Variants in CDK5RAP1 observed in about 807,000 individuals in gnomAD.
CDK5RAP1 encodes the protein CDK5RAP1 mitochondrial tRNA methylthiotransferase.
In CDK5RAP1, 62 loss-of-function variants were observed where a neutral mutation model predicts 64.5. That is an observed-to-expected ratio of 0.96 (90% CI 0.78 to 1.19). The LOEUF is 1.19. Ranked by LOEUF, CDK5RAP1 falls within the 50% of genes most tolerant of loss-of-function variation. CDK5RAP1 has a pLI of 0.00. For missense variants in CDK5RAP1, 657 were observed against 735.0 expected, an observed-to-expected ratio of 0.89 and a Z score of 1.23; for synonymous variants, 250 against 261.9, an observed-to-expected ratio of 0.95 and a Z score of 0.44.
chr20:33,397,434 G>A (rs957005216), intron 1 of CDK5RAP1, among the ~76,000 whole-genome samples: 2 of 152,188 alleles, frequency 1.3e-5, no homozygotes, highest in African/African-American at 2.4e-5. Flanking sequence ...GCAATCCTAG[G>A]AAGCAGATAC....
intron 7 of CDK5RAP1, among the ~76,000 whole-genome samples, chr20:33,381,218 A>ATT (rs11481884): frequency 1.3e-4 from 19 of 151,508 alleles, no homozygotes; most frequent in African/African-American, 4.4e-4. Flanking sequence ...ATATGACTAC[A>ATT]TTTTTTTTAA....
In CDK5RAP1 at chr20:33,385,642, C is replaced by T. The variant is rs574790407; in HGVS notation, c.876+8G>A. ...GTTCACAGCAAGAAAGCCTGGAGAA[C>T]TCTTCACCTGCTCAGAAAGCTTCTT... is the stretch of plus-strand genomic sequence containing the variant. On this transcript the variant is annotated splice_region_variant and intron_variant, in intron 7 of 13. Coordinates refer to ENST00000346416, the MANE Select transcript of CDK5RAP1 (RefSeq NM_016408.4). 6.2e-6 allele frequency: 10 copies of T among 1,613,978 alleles called. No homozygotes were observed. Among genetic ancestry groups the T allele is most frequent in the Non-Finnish European group, 8.5e-6 (10 of 1,179,918 alleles).
At chr20:33,369,947 A>G (rs1600720995) in intron 11 of CDK5RAP1, among the ~76,000 whole-genome samples, 1 of 152,146 alleles carries the variant, frequency 6.6e-6, no homozygotes, top group Non-Finnish European at 1.5e-5. Flanking sequence ...CCATGCCTAC[A>G]ATCAAGAAAA....
intron 12 of CDK5RAP1, among the ~76,000 whole-genome samples, chr20:33,363,826 G>C (rs898882975): frequency 7.2e-5 from 11 of 152,096 alleles, no homozygotes; most frequent in African/African-American, 2.4e-4. Flanking sequence ...TGAGCCCAAG[G>C]AGTTCAAGGT....
Position 33,374,104 on chromosome 20 carries a change from G to T in CDK5RAP1, c.1205+11C>A. 1.3e-6 allele frequency: 2 copies of T among 1,599,690 alleles called. No individual in the cohort carries two copies. The highest frequency in any genetic ancestry group is 1.7e-6 in the Non-Finnish European group (2 of 1,167,326). On this transcript the variant is annotated intron_variant, in intron 9 of 13. Transcript: ENST00000346416. Reference sequence around the variant, plus strand: ...AAAGTGAGGGATGCCCCCTCTCCAAGCAAGCCTGACCCCCTCCGCATGGCC... The same window carrying T: ...AAAGTGAGGGATGCCCCCTCTCCAATCAAGCCTGACCCCCTCCGCATGGCC...
In CDK5RAP1 at chr20:33,395,076, G is replaced by A. The variant is rs1415741808; in HGVS notation, c.345C>T (p.Asp115=). 6.2e-7 allele frequency: 1 copy of A among 1,613,702 alleles called. No individual in the cohort carries two copies. Among genetic ancestry groups the A allele is most frequent in the Non-Finnish European group, 8.5e-7 (1 of 1,179,640 alleles). Residue 115 remains aspartate (D), a synonymous_variant, in exon 3 of 14, where the codon GAC becomes GAT. Transcript: ENST00000346416. The stretch of plus-strand genomic sequence containing the variant: ...GTAAGATGGACCAGGCTATCTCTGT[G>A]TCATTCACATTCATCTGGCAGCCAT... ...ETYGCQMNVN[D]TEIAWSILQK... is the part of the protein sequence containing the mutation.
chr20:33,360,638 TG>T, intron 12 of CDK5RAP1, 147 bp from the exon 13 acceptor site: 1 of 685,572 alleles, frequency 1.5e-6, no homozygotes, highest in Middle Eastern at 4.2e-4. Flanking sequence ...ACTCAGTGTT[TG>T]CTGCTGCTTC....
chr20:33,392,045 A>G (rs1487361221), intron 5 of CDK5RAP1, 97 bp downstream of exon 5: 15 of 750,720 alleles, frequency 2.0e-5, no homozygotes, highest in Non-Finnish European at 3.2e-5. Context: ...AGATTTCTTC[A>G]GACACTGGGA....
At chr20:33,397,686 C>T (rs1398932144) in intron 1 of CDK5RAP1, among the ~76,000 whole-genome samples, 4 of 152,228 alleles carry the variant, frequency 2.6e-5, no homozygotes, top group African/African-American at 9.6e-5. Flanking sequence ...CGATCAGTGA[C>T]TCCTTCTACC....
At position 33,365,619 on chromosome 20, in the gene CDK5RAP1, A is replaced by C. The variant is rs1000628725; in HGVS notation, c.1542+1240T>G. On this transcript the variant is annotated intron_variant, in intron 12 of 13. Coordinates refer to ENST00000346416, the MANE Select transcript of CDK5RAP1 (RefSeq NM_016408.4). ...ATGTAAAAAAAAAAAAAAAAAAAAA[A>C]AAAAAGGGCAGGGTGATTACAGACT... 1.1e-4 allele frequency among the ~76,000 whole-genome samples: 17 copies of C among 151,664 alleles called. No individual in the cohort carries two copies. In the South Asian group the frequency reaches 2.9e-3, roughly 26 times the overall value.
rs369970946 is a variant in CDK5RAP1, at chr20:33,374,230, A to G, written c.1108-18T>C. On this transcript the variant is annotated intron_variant, in intron 8 of 13. Transcript: ENST00000346416. ...TGCAGAACCTGATGAAACAGAACAC[A>G]TTATAGGTAATCACAATCTCACCAA... is the stretch of plus-strand genomic sequence containing the variant. 1.3e-4 allele frequency: 193 copies of G among 1,495,684 alleles called. No homozygotes were observed. The highest frequency in any genetic ancestry group is 1.8e-4 in the Non-Finnish European group (189 of 1,072,022). 92.7% of individuals were successfully genotyped at this position (1,495,684 alleles called of 1,614,324 possible). A position where few individuals can be genotyped will look rare whatever the true frequency, so the allele number is the denominator to read the frequency against.
chr20:33,367,343 A>G (rs1358613095), intron 11 of CDK5RAP1, among the ~76,000 whole-genome samples: 1 of 152,266 alleles, frequency 6.6e-6, no homozygotes, highest in Non-Finnish European at 1.5e-5. Flanking sequence ...TTATGAAGAC[A>G]TAAGATGCAA....
At chr20:33,369,126 G>A (rs1332662614) in intron 11 of CDK5RAP1, among the ~76,000 whole-genome samples, 4 of 151,410 alleles carry the variant, frequency 2.6e-5, no homozygotes, top group South Asian at 4.2e-4. Flanking sequence ...GTGACAGAGC[G>A]AGACTCTGTC....
At chr20:33,388,267 A>G (rs994233964) in intron 5 of CDK5RAP1, among the ~76,000 whole-genome samples, 2 of 152,100 alleles carry the variant, frequency 1.3e-5, no homozygotes, top group Non-Finnish European at 2.9e-5. Context: ...TGAGTAAGCC[A>G]TTTATGCTGT....
chr20:33,360,624 G>A (rs1344075281), intron 12 of CDK5RAP1, 133 bp from the exon 13 acceptor site: 1 of 753,632 alleles, frequency 1.3e-6, no homozygotes, highest in African/African-American at 1.7e-5. Flanking sequence ...AGGAATCACT[G>A]AAGACTCAGT....
chr20:33,368,488 T>TG (rs1228413777), intron 11 of CDK5RAP1, among the ~76,000 whole-genome samples: 1 of 145,982 alleles, frequency 6.9e-6, no homozygotes, highest in Non-Finnish European at 1.5e-5. Context: ...TTTTTTTTTT[T>TG]GGTAGAGAAG....
chr20:33,392,756 G>T (rs1988460485), intron 4 of CDK5RAP1, among the ~76,000 whole-genome samples: 1 of 151,684 alleles, frequency 6.6e-6, no homozygotes, highest in Non-Finnish European at 1.5e-5. Context: ...ACTTCACAAG[G>T]CCTTCCAGTT....
intron 7 of CDK5RAP1, 129 bp downstream of exon 7, chr20:33,385,521 T>C: frequency 9.8e-7 from 1 of 1,015,502 alleles, no homozygotes; most frequent in East Asian, 2.5e-5. Flanking sequence ...TACACAAAAG[T>C]AGTTCTTTCT....
rs1434024042 is a variant in CDK5RAP1 at position 33,395,014 on chromosome 20, T to C, written c.407A>G (p.Glu136Gly). ...SGYLRTSNLQ[E>G]ADVILLVTCS... is the part of the protein sequence containing the mutation. ...AAAGGAAATAGGAAATGCATGTACC[T>C]CTTGGAGGTTACTGGTCCGCAGGTA... Residue 136 changes from glutamate (E) to glycine (G), a missense_variant and splice_region_variant, in exon 3 of 14, where the codon GAG becomes GGG. Glu to Gly is a moderately conservative substitution (Grantham distance 98, BLOSUM62 -2). Transcript: ENST00000346416. 3 of 1,561,544 alleles carry C rather than the reference T, an allele frequency of 1.9e-6. No homozygotes were observed. The highest frequency in any genetic ancestry group is 2.6e-6 in the Non-Finnish European group (3 of 1,132,186).
Sources: allele counts gnomAD v4.1 joint callset (sites outside exome capture counted in the v4.1 genomes callset), GRCh38; gene constraint gnomAD v4.1.1; transcripts MANE v1.5; gene names NCBI Gene and HGNC (gene_info 2026-07-23, HGNC 2026-07-21).